Variants in PCGF5 observed in about 807,000 individuals in gnomAD.
PCGF5 encodes the protein polycomb group RING finger protein 5.
In PCGF5, 9 loss-of-function variants were observed where a neutral mutation model predicts 44.3. The observed-to-expected ratio is 0.20, with a 90% CI of 0.12 to 0.35. The LOEUF is 0.35. Among genes scored for constraint, PCGF5 ranks in the 10% least tolerant of loss-of-function variants. The pLI, the probability that PCGF5 is intolerant of heterozygous loss-of-function variation, is 1.00. For missense variants in PCGF5, 146 were observed against 305.3 expected, an observed-to-expected ratio of 0.48 and a Z score of 3.89; for synonymous variants, 95 against 102.5, an observed-to-expected ratio of 0.93 and a Z score of 0.44.
At chr10:91,191,750 T>G (rs1462156548) in intron 1 of PCGF5, among the ~76,000 whole-genome samples, 2 of 152,156 alleles carry the variant, frequency 1.3e-5, no homozygotes, top group African/African-American at 4.8e-5. Flanking sequence ...TCCAGAACAC[T>G]CCACCCAAAA....
chr10:91,187,531 A>C (rs1057402683), intron 1 of PCGF5, among the ~76,000 whole-genome samples: 1 of 152,150 alleles, frequency 6.6e-6, no homozygotes, highest in Non-Finnish European at 1.5e-5. Flanking sequence ...TAAAAAAAAC[A>C]AAAACAAAAA....
At chr10:91,193,463 T>C (rs1277148073) in intron 1 of PCGF5, among the ~76,000 whole-genome samples, 2 of 151,840 alleles carry the variant, frequency 1.3e-5, no homozygotes, top group East Asian at 1.9e-4. Flanking sequence ...ATTAAGCTGA[T>C]AGTGGAGTAA....
chr10:91,186,584 G>GTATATATA (rs1366142354), intron 1 of PCGF5, among the ~76,000 whole-genome samples: 109 of 131,352 alleles, frequency 8.3e-4, no homozygotes, highest in African/African-American at 2.6e-3. Flanking sequence ...ATATATGTGT[G>GTATATATA]TGTATATATA....
chr10:91,178,514 A>G (rs1843756053), intron 1 of PCGF5, among the ~76,000 whole-genome samples: 1 of 151,568 alleles, frequency 6.6e-6, no homozygotes, highest in South Asian at 2.1e-4. Context: ...CACAGCCTCC[A>G]AAGTAGCTGG....
intron 1 of PCGF5, among the ~76,000 whole-genome samples, chr10:91,177,913 C>T (rs1270605634): frequency 7.6e-6 from 1 of 130,970 alleles, no homozygotes; most frequent in African/African-American, 3.9e-5. Context: ...GCACTGCACC[C>T]ACTGACCTGC....
chr10:91,201,170 A>G (rs1844244803), intron 1 of PCGF5, among the ~76,000 whole-genome samples: 1 of 152,154 alleles, frequency 6.6e-6, no homozygotes, highest in Non-Finnish European at 1.5e-5. Context: ...TTTATAAAGG[A>G]AAGAAATGTA....
chr10:91,267,292 C>CG (rs1050448385), intron 8 of PCGF5, among the ~76,000 whole-genome samples: 1 of 152,214 alleles, frequency 6.6e-6, no homozygotes, highest in Admixed American at 6.5e-5. Context: ...CTACAACCCC[C>CG]TCTCCCGATG....
At chr10:91,183,139 C>T (rs997376178) in intron 1 of PCGF5, among the ~76,000 whole-genome samples, 1 of 152,036 alleles carries the variant, frequency 6.6e-6, no homozygotes, top group African/African-American at 2.4e-5. Context: ...GAGTTCAGGT[C>T]CTGAGTATCT....
the PCGF5 span, among the ~76,000 whole-genome samples, chr10:91,156,258 G>A: frequency 1.3e-5 from 2 of 152,082 alleles, no homozygotes; most frequent in African/African-American, 4.8e-5. Flanking sequence ...TAATTCATGG[G>A]TACCTAGAAA....
chr10:91,176,010 G>C (rs555671709), intron 1 of PCGF5, among the ~76,000 whole-genome samples: 1 of 152,066 alleles, frequency 6.6e-6, no homozygotes. Context: ...TAGCCTCCAC[G>C]GTCTTTACAA....
chr10:91,180,548 C>G (rs1046645134), intron 1 of PCGF5, among the ~76,000 whole-genome samples: 2 of 152,170 alleles, frequency 1.3e-5, no homozygotes, highest in African/African-American at 2.4e-5. Context: ...TTTCAATCTT[C>G]TGCATATGGT....
chr10:91,252,366 A>T (rs936749713), intron 6 of PCGF5, among the ~76,000 whole-genome samples: 2 of 151,982 alleles, frequency 1.3e-5, no homozygotes, highest in Non-Finnish European at 2.9e-5. Flanking sequence ...GTGAAAAACA[A>T]TTTTTCACTT....
At chr10:91,241,832 G>A (rs184153038) in intron 3 of PCGF5, among the ~76,000 whole-genome samples, 25 of 152,136 alleles carry the variant, frequency 1.6e-4, no homozygotes, top group Non-Finnish European at 1.0e-4. Context: ...GCCTGTTTGG[G>A]ATAATTTGTC....
upstream of PCGF5, among the ~76,000 whole-genome samples, chr10:91,160,260 T>C (rs949459725): frequency 9.9e-5 from 15 of 152,186 alleles, no homozygotes; most frequent in African/African-American, 3.6e-4. Context: ...TATTAGACTG[T>C]TGGGCGTTGG....
chr10:91,191,748 A>G (rs1009807301), intron 1 of PCGF5, among the ~76,000 whole-genome samples: 3 of 152,136 alleles, frequency 2.0e-5, no homozygotes, highest in Non-Finnish European at 4.4e-5. Flanking sequence ...TGTCCAGAAC[A>G]CTCCACCCAA....
At chr10:91,227,879 T>C in intron 2 of PCGF5, 1 of 984,164 alleles carries the variant, frequency 1.0e-6, no homozygotes, top group Non-Finnish European at 1.2e-6. Flanking sequence ...TCATCCCCTC[T>C]AAGATGTGCC....
chr10:91,274,950 T>G (rs2133462243), intron 9 of PCGF5, among the ~76,000 whole-genome samples: 1 of 152,250 alleles, frequency 6.6e-6, no homozygotes, highest in South Asian at 2.1e-4. Flanking sequence ...TCAGTATAGG[T>G]TTATGATGGC....
intron 1 of PCGF5, among the ~76,000 whole-genome samples, chr10:91,176,375 G>C (rs113812249): frequency 6.6e-6 from 1 of 152,124 alleles, no homozygotes; most frequent in Non-Finnish European, 1.5e-5. Context: ...TGGTGAATCT[G>C]ACAATTATGT....
At position 91,283,396 on chromosome 10, in the gene PCGF5, T is replaced by C. The variant is rs2133494046; in HGVS notation, c.*5080T>C. ...GATTTTTAACTTTAATAATTTTAAATCTAGAATCAAGTGAAACAGATATGT... is the reference window on the plus strand; with the variant it reads ...GATTTTTAACTTTAATAATTTTAAACCTAGAATCAAGTGAAACAGATATGT... On this transcript the variant is annotated 3_prime_UTR_variant, in exon 10 of 10. Transcript: ENST00000336126. The C allele has an allele frequency of 6.6e-6, 1 of 152,328 alleles. No homozygotes were observed. The highest frequency in any genetic ancestry group is 2.1e-4 in the South Asian group (1 of 4,830). The allele number at this position is 152,328 out of a possible 1,614,324, so 9.4% of individuals were successfully genotyped here.
Sources: gnomAD v4.1 joint callset for allele counts (sites outside exome capture counted in the v4.1 genomes callset) on GRCh38, gnomAD v4.1.1 for gene constraint, MANE v1.5 for transcripts, NCBI Gene and HGNC (gene_info 2026-07-23, HGNC 2026-07-21) for gene names.